SLC7A8: variants seen among roughly 807,000 people sequenced by gnomAD.
The protein encoded by SLC7A8 is solute carrier family 7 member 8, also known as large neutral amino acids transporter small subunit 2.
Under a neutral mutation model 51.2 loss-of-function variants are expected in SLC7A8, and 30 were observed. The ratio of observed to expected loss-of-function variants is 0.59; its 90% CI spans 0.44 to 0.80. The LOEUF is 0.80. SLC7A8 is among the 30% of genes least tolerant of loss of function. The pLI is 0.00. For missense variants in SLC7A8, 612 were observed against 674.4 expected (o/e 0.91, Z 1.03); for synonymous variants, 257 against 275.8 (o/e 0.93, Z 0.67).
At chr14:23,158,309 C>T (rs1218358024) in intron 3 of SLC7A8, among the ~76,000 whole-genome samples, 3 of 152,222 alleles carry the variant, frequency 2.0e-5, no homozygotes, top group African/African-American at 7.2e-5. Flanking sequence ...GGGGAAGGTT[C>T]TAACCAGAGA....
chr14:23,141,827 C>A (rs78148694), intron 4 of SLC7A8, among the ~76,000 whole-genome samples: 260 of 152,272 alleles, frequency 1.7e-3, no homozygotes, highest in Non-Finnish European at 3.3e-3. Context: ...TCCCAGCCCC[C>A]CTAGCACAGT....
intron 6 of SLC7A8, 141 bp downstream of exon 6, chr14:23,139,283 C>T (rs2048719494): frequency 7.7e-7 from 1 of 1,306,226 alleles, no homozygotes; most frequent in Non-Finnish European, 1.1e-6. Flanking sequence ...CAGCCAATGA[C>T]ATATGTGGTT....
At chr14:23,155,027 A>G (rs923142970) in intron 3 of SLC7A8, 2 of 487,972 alleles carry the variant, frequency 4.1e-6, no homozygotes, top group Non-Finnish European at 3.4e-6. Context: ...AAATCAAAGC[A>G]GCCCTTCCTC....
At chr14:23,168,410 A>C (rs980049353) in intron 1 of SLC7A8, among the ~76,000 whole-genome samples, 1 of 152,204 alleles carries the variant, frequency 6.6e-6, no homozygotes, top group African/African-American at 2.4e-5. Context: ...AGTGCTGGGA[A>C]ATGAGAGATC....
intron 8 of SLC7A8, among the ~76,000 whole-genome samples, chr14:23,130,762 G>T (rs6572982): frequency 0.083 from 12,540 of 150,750 alleles, 552 homozygotes; most frequent in African/African-American, 0.12. Flanking sequence ...TATTCTGATT[G>T]CTAACTGCTT....
At chr14:23,157,269 C>T (rs1339976068) in intron 3 of SLC7A8, among the ~76,000 whole-genome samples, 2 of 152,204 alleles carry the variant, frequency 1.3e-5, no homozygotes, top group Non-Finnish European at 2.9e-5. Flanking sequence ...ATTCTACCTC[C>T]TAAATGCCAA....
intron 3 of SLC7A8, among the ~76,000 whole-genome samples, chr14:23,162,798 G>A (rs907000737): frequency 4.6e-5 from 7 of 152,204 alleles, no homozygotes; most frequent in African/African-American, 1.7e-4. Context: ...GGAATGCAAA[G>A]AAAGCCATGG....
chr14:23,144,933 C>CTTTTTTT (rs199939524), intron 3 of SLC7A8, among the ~76,000 whole-genome samples: 1 of 139,646 alleles, frequency 7.2e-6, no homozygotes, highest in Non-Finnish European at 1.6e-5. Flanking sequence ...TTTTCTTTTT[C>CTTTTTTT]TTTTTTTTTT....
chr14:23,168,108 A>G (rs2048958996), intron 1 of SLC7A8, among the ~76,000 whole-genome samples: 1 of 152,226 alleles, frequency 6.6e-6, no homozygotes, highest in Non-Finnish European at 1.5e-5. Flanking sequence ...ATTCCTCATC[A>G]TCAAATTAGT....
intron 3 of SLC7A8, among the ~76,000 whole-genome samples, chr14:23,152,270 C>G (rs921129212): frequency 2.0e-5 from 3 of 150,904 alleles, no homozygotes; most frequent in Non-Finnish European, 3.0e-5. Flanking sequence ...GCTGGGACCA[C>G]AGGCATGTGC....
chr14:23,131,638 G>T, intron 7 of SLC7A8, 81 bp from the exon 8 acceptor site: 2 of 1,105,736 alleles, frequency 1.8e-6, no homozygotes, highest in Non-Finnish European at 1.3e-6. Context: ...CCTACCTTCT[G>T]CCCACACAGG....
Position 23,156,822 on chromosome 14 carries a change from T to A in SLC7A8, c.508+8463A>T, listed in dbSNP as rs116130908. Among the ~76,000 whole-genome samples, 1,292 of 152,246 alleles carry A rather than the reference T, an allele frequency of 8.5e-3. 15 individuals carry two copies. The highest frequency in any genetic ancestry group is 0.029 in the African/African-American group (1,205 of 41,536). On this transcript the variant is annotated intron_variant, in intron 3 of 10. Coordinates refer to ENST00000316902, the MANE Select transcript of SLC7A8 (RefSeq NM_012244.4). ...ATTCCCAGAACAAGCCCCTCATTCCTCCATTTCCAGGGTGTGGGCACACAC... is the reference window on the plus strand; with the variant it reads ...ATTCCCAGAACAAGCCCCTCATTCCACCATTTCCAGGGTGTGGGCACACAC...
Position 23,129,748 on chromosome 14 carries a change from T to A in SLC7A8, c.1165A>T (p.Asn389Tyr), listed in dbSNP as rs777945367. 2 of 1,614,160 alleles carry A rather than the reference T, an allele frequency of 1.2e-6. No individual in the cohort carries two copies. Among genetic ancestry groups the A allele is most frequent in the Non-Finnish European group, 1.7e-6 (2 of 1,180,018 alleles). Residue 389 changes from asparagine (N) to tyrosine (Y), a missense_variant, in exon 9 of 11, where the codon AAC (asparagine) becomes TAC (tyrosine). Asn to Tyr is a moderately radical substitution (Grantham distance 143, BLOSUM62 -2). Transcript: ENST00000316902. ...LVTSDMYTLI[N>Y]YVGFINYLFY... is the part of the protein sequence containing the mutation. The stretch of plus-strand genomic sequence containing the variant: ...AGGTAGTTGATGAAGCCCACATAGT[T>A]GATGAGTGTGTACATGTCGCTGGTG...
chr14:23,143,059 G>GT lies in SLC7A8; in HGVS notation c.634+19dup. ...AGGGGAGGAAAGCTGGGCAGTACCT[G>GT]TTTTTCCTGCGATACTCACCTTTGC... On this transcript the variant is annotated intron_variant, in intron 4 of 10. Coordinates refer to ENST00000316902, the MANE Select transcript of SLC7A8 (RefSeq NM_012244.4). The GT allele has an allele frequency of 6.2e-7, 1 of 1,613,290 alleles. No homozygotes were observed. Among genetic ancestry groups the GT allele is most frequent in the Non-Finnish European group, 8.5e-7 (1 of 1,179,308 alleles).
intron 6 of SLC7A8, chr14:23,138,300 T>A (rs1034428970): frequency 2.7e-6 from 1 of 374,528 alleles, no homozygotes; most frequent in African/African-American, 2.1e-5. Context: ...AGGAACTGAG[T>A]CACATAGTGA....
At position 23,133,946 on chromosome 14, in the gene SLC7A8, AT is replaced by A. The variant is rs574584583; in HGVS notation, c.1017-2390del. ...AGGACTGAAAACTATAATGCAAATA[AT>A]TTTTTTTTTTTGAGACATGGTCTTG... is the stretch of plus-strand genomic sequence containing the variant. On this transcript the variant is annotated intron_variant, in intron 7 of 10. Transcript: ENST00000316902. Among the ~76,000 whole-genome samples, 483 of 147,960 alleles carry A rather than the reference AT, an allele frequency of 3.3e-3. 17 individuals are homozygous for A. The East Asian group carries it at 0.07, about 21-fold the overall frequency.
chr14:23,154,350 G>A, intron 3 of SLC7A8: 3 of 1,000,042 alleles, frequency 3.0e-6, no homozygotes, highest in Non-Finnish European at 3.6e-6. Flanking sequence ...AAAGGGGTGA[G>A]GCATGTCCCT....
At chr14:23,169,426 G>A (rs1365986695) in intron 1 of SLC7A8, among the ~76,000 whole-genome samples, 2 of 152,148 alleles carry the variant, frequency 1.3e-5, no homozygotes, top group Admixed American at 1.3e-4. Context: ...TATAAACTAA[G>A]TGCTAGGGAA....
chr14:23,147,442 T>G (rs1180041089), intron 3 of SLC7A8, among the ~76,000 whole-genome samples: 1 of 152,206 alleles, frequency 6.6e-6, no homozygotes, highest in African/African-American at 2.4e-5. Context: ...TGGGCATCTA[T>G]GAGGAACCAC....
Sources: allele counts gnomAD v4.1 joint callset (sites outside exome capture counted in the v4.1 genomes callset), GRCh38; gene constraint gnomAD v4.1.1; transcripts MANE v1.5; gene names NCBI Gene and HGNC (gene_info 2026-07-23, HGNC 2026-07-21).